The following DAAM1 variants were observed in gnomAD, a reference collection of about 807,000 sequenced individuals.
DAAM1 encodes the protein dishevelled associated activator of morphogenesis 1, also known as disheveled-associated activator of morphogenesis 1.
A neutral mutation model predicts 130.0 loss-of-function variants in DAAM1; 52 were observed. That is an observed-to-expected ratio of 0.40 (90% CI 0.32 to 0.50). The LOEUF (loss-of-function observed/expected upper bound fraction) is 0.50. Ranked by LOEUF, DAAM1 falls within the 20% of genes least tolerant of loss-of-function variation. The probability of loss-of-function intolerance (pLI) is 0.61; values close to 1 mark genes in which losing one functional copy is unlikely to be tolerated. For missense variants in DAAM1, 1,134 were observed against 1,303.8 expected, an observed-to-expected ratio of 0.87 and a Z score of 2.01; for synonymous variants, 452 against 444.5, an observed-to-expected ratio of 1.02 and a Z score of -0.21.
intron 5 of DAAM1, among the ~76,000 whole-genome samples, chr14:59,321,876 A>G (rs2139617169): frequency 6.6e-6 from 1 of 152,338 alleles, no homozygotes; most frequent in South Asian, 2.1e-4. Context: ...AAGTTTGGAA[A>G]ATTTATCACA....
At position 59,363,884 on chromosome 14, in the gene DAAM1, CAAACTT is replaced by C; in HGVS notation, c.2826+103_2826+108del. 3.3e-6 allele frequency: 5 copies of C among 1,504,674 alleles called. No individual in the cohort carries two copies. The South Asian group carries it at 6.2e-5, about 19-fold the overall frequency. The allele number at this position is 1,504,674 out of a possible 1,614,324, so 93.2% of individuals were successfully genotyped here. A position where few individuals can be genotyped will look rare whatever the true frequency, so the allele number is the denominator to read the frequency against. On this transcript the variant is annotated intron_variant, in intron 23 of 24. Transcript: ENST00000360909. ...TACGGGAAATAGCAGGAGTGAGATC[CAAACTT>C]CGTGGTGCAGGAAATAAAGTAGTAG...
intron 1 of DAAM1, among the ~76,000 whole-genome samples, chr14:59,197,679 T>C (rs1271742667): frequency 1.3e-5 from 2 of 152,236 alleles, no homozygotes; most frequent in Admixed American, 6.5e-5. Flanking sequence ...AAAATGTATA[T>C]AGTTTTATAT....
chr14:59,353,401 G>A (rs1886361596), intron 18 of DAAM1, among the ~76,000 whole-genome samples: 1 of 152,224 alleles, frequency 6.6e-6, no homozygotes, highest in Non-Finnish European at 1.5e-5. Flanking sequence ...GGAAGCGGAT[G>A]TTGGAGACCA....
intron 1 of DAAM1, among the ~76,000 whole-genome samples, chr14:59,222,716 C>T (rs1051756539): frequency 6.6e-6 from 1 of 152,222 alleles, no homozygotes; most frequent in South Asian, 2.1e-4. Flanking sequence ...CTTTGGTAAG[C>T]ATTCACATAG....
chr14:59,255,122 A>C (rs1217716602), intron 1 of DAAM1, among the ~76,000 whole-genome samples: 1 of 152,144 alleles, frequency 6.6e-6, no homozygotes, highest in African/African-American at 2.4e-5. Context: ...CTGTGCATAG[A>C]TGCTCTCATT....
At chr14:59,280,594 T>C (rs1237766010) in intron 2 of DAAM1, among the ~76,000 whole-genome samples, 3 of 142,578 alleles carry the variant, frequency 2.1e-5, no homozygotes. Context: ...TAAGTACTGA[T>C]GCAAAGATGA....
At chr14:59,265,204 A>G (rs971543876) in intron 2 of DAAM1, 1 of 152,220 alleles carries the variant, frequency 6.6e-6, no homozygotes, top group African/African-American at 2.4e-5. Flanking sequence ...ATAAGCCAAT[A>G]TGAGAGAGGT....
intron 1 of DAAM1, among the ~76,000 whole-genome samples, chr14:59,228,274 T>G (rs1387456687): frequency 6.6e-6 from 1 of 152,132 alleles, no homozygotes; most frequent in African/African-American, 2.4e-5. Flanking sequence ...ACTGACAAAG[T>G]TCCAAGGATC....
At chr14:59,276,611 G>A (rs187896036) in intron 2 of DAAM1, among the ~76,000 whole-genome samples, 10 of 152,324 alleles carry the variant, frequency 6.6e-5, no homozygotes, top group Admixed American at 5.9e-4. Context: ...TCTGGGTGGA[G>A]TTAGGATAGG....
intron 1 of DAAM1, among the ~76,000 whole-genome samples, chr14:59,228,239 GAAA>G (rs958077665): frequency 6.6e-6 from 1 of 151,938 alleles, no homozygotes; most frequent in Non-Finnish European, 1.5e-5. Flanking sequence ...TTTCTTTATG[GAAA>G]AAAATAATTA....
intron 20 of DAAM1, among the ~76,000 whole-genome samples, chr14:59,356,708 G>C (rs560802879): frequency 2.6e-5 from 4 of 152,316 alleles, no homozygotes; most frequent in Admixed American, 2.6e-4. Context: ...CTCTTCAACT[G>C]TACACACACA....
chr14:59,270,847 A>C (rs1452791942), intron 2 of DAAM1, among the ~76,000 whole-genome samples: 1 of 152,158 alleles, frequency 6.6e-6, no homozygotes, highest in Non-Finnish European at 1.5e-5. Flanking sequence ...TAATGGGTGA[A>C]ACATGCAAAA....
At chr14:59,363,124 T>G (rs1886776433) in intron 22 of DAAM1, 1 of 154,070 alleles carries the variant, frequency 6.5e-6, no homozygotes, top group South Asian at 2.0e-4. Context: ...CAAAAACCAA[T>G]ATGGTATGGA....
chr14:59,263,714 G>A (rs1227340121), intron 2 of DAAM1, 54 bp downstream of exon 2: 2 of 1,609,872 alleles, frequency 1.2e-6, no homozygotes, highest in Admixed American at 3.4e-5. Context: ...AAGGAGAAGA[G>A]GAGAGGATGT....
chr14:59,301,112 C>T lies in DAAM1; in HGVS notation c.273+9806C>T, dbSNP rs559872570. On this transcript the variant is annotated intron_variant, in intron 3 of 24. Coordinates refer to ENST00000360909, the MANE Select transcript of DAAM1 (RefSeq NM_001270520.2). ...GGAAGGAAACTAATATCTCATTGCT[C>T]GATCAATCATTTTATGAACGTTTAA... Among the ~76,000 whole-genome samples, 13 of 152,076 alleles carry T rather than the reference C, an allele frequency of 8.5e-5. No individual in the cohort carries two copies. In the East Asian group the frequency reaches 2.5e-3, roughly 29 times the overall value.
intron 4 of DAAM1, 25 bp from the exon 5 acceptor site, chr14:59,320,465 A>T: frequency 6.4e-7 from 1 of 1,565,538 alleles, no homozygotes; most frequent in Non-Finnish European, 8.7e-7. Context: ...AATTTGAAGA[A>T]GTAACTTCTG....
intron 8 of DAAM1, 35 bp downstream of exon 8, chr14:59,324,489 G>T (rs763745522): frequency 6.9e-7 from 1 of 1,443,900 alleles, no homozygotes; most frequent in Admixed American, 2.0e-5. Flanking sequence ...GAAAGTTTCT[G>T]TGTTTCCCAT....
chr14:59,350,474 CACA>C (rs939912404), intron 17 of DAAM1, among the ~76,000 whole-genome samples: 13 of 151,900 alleles, frequency 8.6e-5, no homozygotes, highest in African/African-American at 2.4e-4. Flanking sequence ...CACACACACA[CACA>C]CACGTCTTAT....
chr14:59,218,756 G>C (rs1028967442), intron 1 of DAAM1, among the ~76,000 whole-genome samples: 6 of 152,114 alleles, frequency 3.9e-5, no homozygotes, highest in African/African-American at 1.4e-4. Flanking sequence ...CTGTCTGTTG[G>C]TTTCTGATTC....
Sources: allele counts gnomAD v4.1 joint callset (sites outside exome capture counted in the v4.1 genomes callset), GRCh38; gene constraint gnomAD v4.1.1; transcripts MANE v1.5; gene names NCBI Gene and HGNC (gene_info 2026-07-23, HGNC 2026-07-21).